NSUN6: variants seen among roughly 807,000 people sequenced by gnomAD.
The protein encoded by NSUN6 is tRNA (cytosine(72)-C(5))-methyltransferase NSUN6.
In NSUN6, 64 loss-of-function variants were observed where a neutral mutation model predicts 58.0. The ratio of observed to expected loss-of-function variants is 1.10; its 90% CI spans 0.90 to 1.36. The LOEUF is 1.36. Among genes scored for constraint, NSUN6 ranks in the 40% most tolerant of loss-of-function variants. The probability of loss-of-function intolerance (pLI) is 0.00; values close to 1 mark genes in which losing one functional copy is unlikely to be tolerated. For missense variants in NSUN6, 701 were observed against 550.1 expected, an observed-to-expected ratio of 1.27 and a Z score of -2.74; for synonymous variants, 231 against 193.9, an observed-to-expected ratio of 1.19 and a Z score of -1.59.
chr10:18,558,938 T>C (rs1472704738), intron 8 of NSUN6, among the ~76,000 whole-genome samples: 1 of 149,106 alleles, frequency 6.7e-6, no homozygotes, highest in Non-Finnish European at 1.5e-5. Context: ...GACTGGACAA[T>C]GGAATGGAAG....
At chr10:18,581,508 C>T (rs984409064) in intron 8 of NSUN6, among the ~76,000 whole-genome samples, 4 of 152,030 alleles carry the variant, frequency 2.6e-5, no homozygotes, top group Non-Finnish European at 4.4e-5. Flanking sequence ...CCTTGTTTAG[C>T]ATATACTCAA....
intron 8 of NSUN6, among the ~76,000 whole-genome samples, chr10:18,577,696 G>C (rs2056719967): frequency 2.6e-5 from 4 of 152,208 alleles, no homozygotes; most frequent in Admixed American, 2.0e-4. Flanking sequence ...CAATATGTCA[G>C]TATGTTCAAT....
chr10:18,636,718 C>G (rs1326929684), intron 3 of NSUN6, among the ~76,000 whole-genome samples: 1 of 151,678 alleles, frequency 6.6e-6, no homozygotes, highest in African/African-American at 2.4e-5. Flanking sequence ...ATGGTGAAAC[C>G]CAGTCTCTAT....
chr10:18,603,643 G>A (rs1250030689), intron 6 of NSUN6, among the ~76,000 whole-genome samples: 1 of 151,544 alleles, frequency 6.6e-6, no homozygotes, highest in Admixed American at 6.6e-5. Context: ...CTGATTTTGT[G>A]TGTGTGTATT....
At chr10:18,627,561 G>T (rs2058857221) in intron 3 of NSUN6, among the ~76,000 whole-genome samples, 1 of 152,214 alleles carries the variant, frequency 6.6e-6, no homozygotes. Flanking sequence ...CGCGCACCGT[G>T]CCCGAGCCAA....
rs191142933 is a variant in NSUN6, at chr10:18,618,786, G to A, written c.312-2493C>T. 2.0e-5 allele frequency among the ~76,000 whole-genome samples: 3 copies of A among 149,154 alleles called. No homozygotes were observed. The Admixed American group carries it at 2.0e-4, about 10-fold the overall frequency. On this transcript the variant is annotated intron_variant, in intron 3 of 10. Transcript: ENST00000377304. ...CTGCATTCTAGATAATTTCCTAAGA[G>A]TCATCTCCTAATTCAAAAACTTTCT...
chr10:18,586,006 C>A lies in NSUN6; in HGVS notation c.865G>T (p.Ala289Ser). Residue 289 changes from alanine to serine, a missense_variant, in exon 8 of 11, where the codon GCA becomes TCA. Physicochemically the swap from Ala to Ser is moderately conservative, Grantham distance 99. Transcript: ENST00000377304. ...ALLLGLNSIR[A>S]FCFDGTKAVK... ...GCCTTTGTTCCATCAAAACAAAATG[C>A]CCTGATGGAATTCAGCCCTAACAAT... 2 of 1,612,066 alleles carry A rather than the reference C, an allele frequency of 1.2e-6. No homozygotes were observed. The highest frequency in any genetic ancestry group is 2.2e-5 in the South Asian group (2 of 90,504).
At chr10:18,595,894 A>G (rs2057565906) in intron 7 of NSUN6, among the ~76,000 whole-genome samples, 1 of 152,208 alleles carries the variant, frequency 6.6e-6, no homozygotes, top group African/African-American at 2.4e-5. Flanking sequence ...ATGGCAGAAT[A>G]TATTTTAATA....
intron 8 of NSUN6, among the ~76,000 whole-genome samples, chr10:18,555,699 G>GGAATGGAATGGA (rs1374345722): frequency 3.4e-5 from 5 of 146,828 alleles, no homozygotes; most frequent in African/African-American, 1.3e-4. Context: ...AATGGACAGT[G>GGAATGGAATGGA]GAATGGAATG....
intron 8 of NSUN6, among the ~76,000 whole-genome samples, chr10:18,572,812 T>C (rs1019911227): frequency 6.6e-6 from 1 of 151,110 alleles, no homozygotes; most frequent in African/African-American, 2.4e-5. Context: ...CTCCATTCCC[T>C]TCCATCCTCC....
chr10:18,650,840 C>T (rs950432337), intron 1 of NSUN6, among the ~76,000 whole-genome samples: 3 of 152,262 alleles, frequency 2.0e-5, no homozygotes, highest in African/African-American at 7.2e-5. Flanking sequence ...TTCTTGAAGA[C>T]AGGGACCTTT....
At chr10:18,639,161 C>T (rs532328044) in intron 3 of NSUN6, among the ~76,000 whole-genome samples, 12 of 152,180 alleles carry the variant, frequency 7.9e-5, no homozygotes, top group South Asian at 2.1e-4. Context: ...GAAAATTTAA[C>T]TCCAGGAACC....
intron 3 of NSUN6, among the ~76,000 whole-genome samples, chr10:18,617,517 T>C (rs2058456474): frequency 6.6e-6 from 1 of 152,166 alleles, no homozygotes; most frequent in African/African-American, 2.4e-5. Context: ...TCTAATTACC[T>C]ACGGACAGCT....
intron 3 of NSUN6, among the ~76,000 whole-genome samples, chr10:18,635,774 G>A (rs573470010): frequency 1.8e-4 from 28 of 151,688 alleles, no homozygotes; most frequent in African/African-American, 6.0e-4. Flanking sequence ...GGAGGCAGGG[G>A]TTGCAGTGAG....
At chr10:18,553,546 A>G (rs2054759284) in intron 8 of NSUN6, among the ~76,000 whole-genome samples, 1 of 151,316 alleles carries the variant, frequency 6.6e-6, no homozygotes, top group Non-Finnish European at 1.5e-5. Context: ...AATGAAAGGG[A>G]GGATGGAATG....
intron 2 of NSUN6, among the ~76,000 whole-genome samples, chr10:18,644,500 T>C (rs1379049261): frequency 3.2e-5 from 2 of 61,676 alleles, no homozygotes; most frequent in East Asian, 1.5e-3. Flanking sequence ...TTAAGGTATG[T>C]CTTTTTTTTT....
intron 8 of NSUN6, among the ~76,000 whole-genome samples, chr10:18,577,328 C>G (rs540662498): frequency 2.4e-4 from 37 of 152,254 alleles, no homozygotes; most frequent in African/African-American, 8.7e-4. Flanking sequence ...ATGAGTTAGC[C>G]AACAACTCAA....
chr10:18,633,967 A>C (rs1456752525), intron 3 of NSUN6, among the ~76,000 whole-genome samples: 1 of 152,214 alleles, frequency 6.6e-6, no homozygotes, highest in African/African-American at 2.4e-5. Context: ...GAAGATTTGC[A>C]GTACTTCCCA....
chr10:18,591,596 C>A (rs7904263), intron 7 of NSUN6, among the ~76,000 whole-genome samples: 51,900 of 152,024 alleles, frequency 0.34, 9,458 homozygotes, highest in East Asian at 0.74. Flanking sequence ...TAATCCATCA[C>A]ATAAACAACC....
Sources: gnomAD v4.1 joint callset for allele counts (sites outside exome capture counted in the v4.1 genomes callset) on GRCh38, gnomAD v4.1.1 for gene constraint, MANE v1.5 for transcripts, NCBI Gene and HGNC (gene_info 2026-07-23, HGNC 2026-07-21) for gene names.